Variants in ZFP91 observed in about 807,000 individuals in gnomAD.
ZFP91 encodes ZFP91 zinc finger protein, atypical E3 ubiquitin ligase, also known as E3 ubiquitin-protein ligase ZFP91.
In ZFP91, 7 loss-of-function variants were observed where a neutral mutation model predicts 63.5. That is an observed-to-expected ratio of 0.11 (90% CI 0.06 to 0.21). The LOEUF is 0.21. Ranked by LOEUF, ZFP91 falls within the 10% of genes least tolerant of loss-of-function variation. The pLI is 1.00. For synonymous variants in ZFP91, 330 were observed against 272.1 expected, an observed-to-expected ratio of 1.21 and a Z score of -2.10; for missense variants, 628 against 736.6, an observed-to-expected ratio of 0.85 and a Z score of 1.71.
At chr11:58,610,110 T>TACA in intron 3 of ZFP91, 71 bp downstream of exon 3, 1 of 1,555,498 alleles carries the variant, frequency 6.4e-7, no homozygotes, top group Non-Finnish European at 8.8e-7. Context: ...TGTTGAACAT[T>TACA]TGTGTTAACA....
At chr11:58,596,721 T>G (rs956753529) in intron 2 of ZFP91, among the ~76,000 whole-genome samples, 5 of 150,324 alleles carry the variant, frequency 3.3e-5, no homozygotes, top group Admixed American at 3.3e-4. Flanking sequence ...TTTTTTGCCA[T>G]ATTCACAATC....
At chr11:58,595,069 TAG>T (rs1361686955) in intron 2 of ZFP91, among the ~76,000 whole-genome samples, 1 of 152,142 alleles carries the variant, frequency 6.6e-6, no homozygotes, top group Non-Finnish European at 1.5e-5. Flanking sequence ...TGTGGTATAG[TAG>T]AAAGAATATA....
At chr11:58,604,243 G>A (rs1855535194) in intron 2 of ZFP91, among the ~76,000 whole-genome samples, 1 of 152,112 alleles carries the variant, frequency 6.6e-6, no homozygotes, top group African/African-American at 2.4e-5. Context: ...ATTACAATGG[G>A]CCCTAATCCA....
intron 10 of ZFP91, 135 bp downstream of exon 10, chr11:58,616,950 C>A: frequency 1.1e-6 from 1 of 910,176 alleles, no homozygotes; most frequent in Admixed American, 2.5e-5. Flanking sequence ...TGATTGGGGG[C>A]ATTAGTTAGT....
chr11:58,588,387 A>G (rs772522290), intron 2 of ZFP91, among the ~76,000 whole-genome samples: 11 of 152,110 alleles, frequency 7.2e-5, no homozygotes, highest in Non-Finnish European at 1.6e-4. Flanking sequence ...TAATCAGCAT[A>G]CTATCTGTAA....
At chr11:58,600,406 A>C (rs1187755854) in intron 2 of ZFP91, among the ~76,000 whole-genome samples, 1 of 152,034 alleles carries the variant, frequency 6.6e-6, no homozygotes. Context: ...TATGTTGGTC[A>C]TATATTCTGG....
rs1855759839 is a variant in ZFP91 at position 58,617,022 on chromosome 11, C to T, written c.1203-174C>T. ...ACAGAAGAAGATCAGATTAGTTTTC[C>T]ATCTAGTAACATTTCCCAATCCTTC... On this transcript the variant is annotated intron_variant, in intron 10 of 10. Transcript: ENST00000316059. The surrounding 1 kb of genome is among the most constrained non-coding windows in gnomAD (Gnocchi z 4.2). 6.6e-6 allele frequency among the ~76,000 whole-genome samples: 1 copy of T among 151,496 alleles called. No homozygotes were observed. The highest frequency in any genetic ancestry group is 2.4e-5 in the African/African-American group (1 of 41,182).
chr11:58,599,906 A>G (rs1206010783), intron 2 of ZFP91, among the ~76,000 whole-genome samples: 1 of 152,034 alleles, frequency 6.6e-6, no homozygotes, highest in Non-Finnish European at 1.5e-5. Context: ...TTGCATGTGG[A>G]TATCCATTTG....
chr11:58,588,565 T>C (rs1013432741), intron 2 of ZFP91, among the ~76,000 whole-genome samples: 1 of 152,168 alleles, frequency 6.6e-6, no homozygotes, highest in Non-Finnish European at 1.5e-5. Flanking sequence ...ATTTCAACAG[T>C]TTTATTTTTC....
At chr11:58,612,482 TC>T in intron 7 of ZFP91, 154 bp downstream of exon 7, 1 of 707,170 alleles carries the variant, frequency 1.4e-6, no homozygotes, top group African/African-American at 1.8e-5. Flanking sequence ...GGTGTTATGA[TC>T]TTATTTTCAT....
At chr11:58,612,089 T>A (rs1237623463) in intron 6 of ZFP91, 189 bp from the exon 7 acceptor site, 1 of 623,318 alleles carries the variant, frequency 1.6e-6, no homozygotes, top group African/African-American at 1.8e-5. Flanking sequence ...CAGACTGATT[T>A]GAAAGTGAAA....
intron 1 of ZFP91, 142 bp downstream of exon 1, chr11:58,579,764 C>T (rs954585417): frequency 2.5e-6 from 2 of 787,250 alleles, no homozygotes; most frequent in Non-Finnish European, 1.9e-6. Context: ...CACACCGTTT[C>T]CCCGGGAGCC....
intron 2 of ZFP91, among the ~76,000 whole-genome samples, chr11:58,585,334 G>A (rs535995426): frequency 6.6e-6 from 1 of 152,272 alleles, no homozygotes; most frequent in East Asian, 1.9e-4. Flanking sequence ...CACACCAGAT[G>A]TATGTATTAT....
intron 5 of ZFP91, 45 bp downstream of exon 5, chr11:58,611,099 A>T (rs754344527): frequency 1.1e-5 from 17 of 1,558,380 alleles, no homozygotes; most frequent in Non-Finnish European, 1.4e-5. Context: ...AAATATAAGT[A>T]GGAAAGCACT....
intron 8 of ZFP91, 22 bp from the exon 9 acceptor site, chr11:58,614,207 C>T: frequency 6.7e-7 from 1 of 1,499,510 alleles, no homozygotes; most frequent in Middle Eastern, 1.8e-4. Context: ...TTTTTTCGCC[C>T]CTTTCACTTT....
At chr11:58,606,851 G>A (rs752800366) in intron 2 of ZFP91, among the ~76,000 whole-genome samples, 5 of 151,968 alleles carry the variant, frequency 3.3e-5, no homozygotes, top group Non-Finnish European at 7.4e-5. Flanking sequence ...ATTGTTAAGA[G>A]TTTCCACAAA....
intron 2 of ZFP91, among the ~76,000 whole-genome samples, chr11:58,601,190 T>G (rs1855485632): frequency 6.6e-6 from 1 of 152,206 alleles, no homozygotes; most frequent in South Asian, 2.1e-4. Context: ...AGTTAATTCT[T>G]TAAATGTGTG....
rs547118312 is a variant in ZFP91 at position 58,614,829 on chromosome 11, A to C, written c.1102+486A>C. Among the ~76,000 whole-genome samples the C allele has an allele frequency of 6.6e-5, 10 of 152,284 alleles. No individual in the cohort carries two copies. In the South Asian group the frequency reaches 2.1e-3, roughly 32 times the overall value. ...CATGTAAACTCCCATAGGAACTGTCAAAAAGAGTTGCTGAGTGTCTGCAAT... is the reference window on the plus strand; with the variant it reads ...CATGTAAACTCCCATAGGAACTGTCCAAAAGAGTTGCTGAGTGTCTGCAAT... On this transcript the variant is annotated intron_variant, in intron 9 of 10. Transcript: ENST00000316059.
chr11:58,598,512 T>C (rs569059079), intron 2 of ZFP91, among the ~76,000 whole-genome samples: 3 of 152,254 alleles, frequency 2.0e-5, no homozygotes, highest in African/African-American at 4.8e-5. Context: ...ATGCAGTGAC[T>C]AGTATGATGT....
Sources: allele counts gnomAD v4.1 joint callset (sites outside exome capture counted in the v4.1 genomes callset), GRCh38; gene constraint gnomAD v4.1.1; non-coding constraint Gnocchi (gnomAD v3.1); transcripts MANE v1.5; gene names NCBI Gene and HGNC (gene_info 2026-07-23, HGNC 2026-07-21).